The following CUBN variants were observed in gnomAD, a reference collection of about 807,000 sequenced individuals.
CUBN encodes 460 kDa receptor.
Under a neutral mutation model 405.3 loss-of-function variants are expected in CUBN, and 282 were observed. The ratio of observed to expected loss-of-function variants is 0.70; its 90% CI spans 0.63 to 0.77. The LOEUF is 0.77. Among genes scored for constraint, CUBN ranks in the 30% least tolerant of loss-of-function variants. The pLI, the probability that CUBN is intolerant of heterozygous loss-of-function variation, is 0.00. For synonymous variants in CUBN, 1,684 were observed against 1,617.0 expected, an observed-to-expected ratio of 1.04 and a Z score of -0.99; for missense variants, 4,514 against 4,475.2, an observed-to-expected ratio of 1.01 and a Z score of -0.25.
chr10:16,900,485 C>T lies in CUBN; in HGVS notation c.8410+140G>A, dbSNP rs1225966838. ...GCCAGGTATTGATATTGTGTTATCC[C>T]ACCAGGGTTGCTGCATGAGATGACA... is the stretch of plus-strand genomic sequence containing the variant. On this transcript the variant is annotated intron_variant, in intron 53 of 66. Transcript: ENST00000377833. The T allele has an allele frequency of 8.2e-6, 6 of 728,556 alleles. No individual in the cohort carries two copies. The East Asian group carries it at 1.3e-4, about 16-fold the overall frequency. The allele number at this position is 728,556 out of a possible 1,614,324, so 45.1% of individuals were successfully genotyped here. A position where few individuals can be genotyped will look rare whatever the true frequency, so the allele number is the denominator to read the frequency against.
chr10:17,050,715 A>C (rs1023074482), intron 22 of CUBN, among the ~76,000 whole-genome samples: 2 of 152,168 alleles, frequency 1.3e-5, no homozygotes, highest in Non-Finnish European at 2.9e-5. Context: ...CTAAAAGGCC[A>C]TATCTTACAA....
intron 28 of CUBN, among the ~76,000 whole-genome samples, chr10:17,000,668 TGCTTTCAG>T (rs1251794254): frequency 2.6e-5 from 4 of 152,252 alleles, no homozygotes; most frequent in African/African-American, 4.8e-5. Flanking sequence ...AAAAAATATT[TGCTTTCAG>T]GCACCATCGT....
chr10:17,129,631 T>C lies in CUBN; in HGVS notation c.122+13A>G, dbSNP rs746888758. Reference sequence around the variant, plus strand: ...CTAGTCCCTGAGCAGGAATGACCCATGTGTTTACTTACTGTTGGAGATTGA... The same window carrying C: ...CTAGTCCCTGAGCAGGAATGACCCACGTGTTTACTTACTGTTGGAGATTGA... On this transcript the variant is annotated intron_variant, in intron 1 of 66. Coordinates refer to ENST00000377833, the MANE Select transcript of CUBN (RefSeq NM_001081.4). The C allele has an allele frequency of 1.4e-5, 22 of 1,614,066 alleles. No homozygotes were observed. The highest frequency in any genetic ancestry group is 4.0e-5 in the African/African-American group (3 of 74,954).
chr10:17,075,153 G>C (rs1403534465), intron 17 of CUBN, among the ~76,000 whole-genome samples: 1 of 137,484 alleles, frequency 7.3e-6, no homozygotes, highest in Admixed American at 8.1e-5. Flanking sequence ...GCACGATCTC[G>C]GATCACTGCA....
rs1229103438 is a variant in CUBN, at chr10:17,110,916, C to G, written c.1015+3G>C. 1 of 1,614,212 alleles carries G rather than the reference C, an allele frequency of 6.2e-7. No individual in the cohort carries two copies. The highest frequency in any genetic ancestry group is 2.2e-5 in the East Asian group (1 of 44,886). ...GGAGGTTGACATTGAACCGAGGCAG[C>G]ACCTGGTGGACAGGCCTGGCAGTGG... On this transcript the variant is annotated splice_donor_region_variant and intron_variant, in intron 9 of 66. Transcript: ENST00000377833.
rs1236481372 is a variant in CUBN, at chr10:16,982,563, A to AC, written c.4615dup (p.Val1539GlyfsTer5). On this transcript the variant is annotated frameshift_variant, in exon 31 of 67. Transcript: ENST00000377833. LOFTEE classifies it high-confidence loss of function. The stretch of plus-strand genomic sequence containing the variant: ...ACGATGATTTCTGTCAACCCGAATG[A>AC]CCCAAGAACAGTCTGTGTTGCTCCT... The AC allele has an allele frequency of 2.5e-6, 4 of 1,613,818 alleles. No homozygotes were observed. The highest frequency in any genetic ancestry group is 1.3e-5 in the African/African-American group (1 of 75,028).
At chr10:16,836,598 C>T (rs1839176982) in intron 62 of CUBN, among the ~76,000 whole-genome samples, 1 of 152,240 alleles carries the variant, frequency 6.6e-6, no homozygotes, top group African/African-American at 2.4e-5. Context: ...GGCAAAGCTT[C>T]TGCTGAAACC....
intron 27 of CUBN, among the ~76,000 whole-genome samples, chr10:17,034,639 C>T (rs1398460560): frequency 1.3e-5 from 2 of 152,010 alleles, no homozygotes; most frequent in Non-Finnish European, 2.9e-5. Context: ...TAACAAGATC[C>T]CCAGATGATT....
At chr10:17,082,360 C>G (rs957438517) in intron 17 of CUBN, among the ~76,000 whole-genome samples, 4 of 152,164 alleles carry the variant, frequency 2.6e-5, no homozygotes, top group African/African-American at 9.6e-5. Flanking sequence ...TTCCACCATT[C>G]TGGTTTATGA....
intron 14 of CUBN, among the ~76,000 whole-genome samples, chr10:17,094,301 T>C (rs1245475819): frequency 6.6e-6 from 1 of 152,084 alleles, no homozygotes; most frequent in African/African-American, 2.4e-5. Flanking sequence ...ATGGTCAACC[T>C]AAAATTCTAT....
intron 31 of CUBN, among the ~76,000 whole-genome samples, chr10:16,981,400 C>A (rs1833268514): frequency 6.6e-6 from 1 of 151,398 alleles, no homozygotes; most frequent in South Asian, 2.1e-4. Flanking sequence ...TCAATTTGTT[C>A]GTGTGACCTG....
At chr10:16,899,284 T>G (rs1248695285) in intron 53 of CUBN, 101 bp from the exon 54 acceptor site, 1 of 893,800 alleles carries the variant, frequency 1.1e-6, no homozygotes, top group African/African-American at 1.6e-5. Flanking sequence ...GAGATTTCAA[T>G]TCATCATTTT....
chr10:16,977,070 G>A (rs1833121300), intron 31 of CUBN, among the ~76,000 whole-genome samples: 1 of 152,042 alleles, frequency 6.6e-6, no homozygotes, highest in Admixed American at 6.5e-5. Flanking sequence ...TGTTTCTATT[G>A]TCTCTTACTC....
intron 31 of CUBN, among the ~76,000 whole-genome samples, chr10:16,961,836 T>C (rs964667927): frequency 7.4e-5 from 11 of 149,640 alleles, no homozygotes; most frequent in Non-Finnish European, 1.0e-4. Context: ...CTCAGCCTCC[T>C]GAGTAGCTGG....
intron 59 of CUBN, among the ~76,000 whole-genome samples, chr10:16,861,427 G>A (rs1035762462): frequency 3.3e-5 from 5 of 151,940 alleles, no homozygotes; most frequent in Admixed American, 6.6e-5. Context: ...CCTCCCAAGC[G>A]CTGGGATTAC....
chr10:16,910,439 C>T (rs79408537), intron 48 of CUBN, among the ~76,000 whole-genome samples: 35 of 152,146 alleles, frequency 2.3e-4, no homozygotes, highest in Non-Finnish European at 3.4e-4. Context: ...GACATTAGAA[C>T]TAAAGACTCA....
intron 62 of CUBN, among the ~76,000 whole-genome samples, chr10:16,838,579 C>G (rs1258448651): frequency 6.6e-6 from 1 of 152,240 alleles, no homozygotes; most frequent in African/African-American, 2.4e-5. Context: ...TTGTGTCCAA[C>G]TGTCTCCTCA....
chr10:16,916,790 GCTTT>G (rs1213629846), intron 45 of CUBN, among the ~76,000 whole-genome samples: 1 of 150,734 alleles, frequency 6.6e-6, no homozygotes, highest in South Asian at 2.1e-4. Context: ...AGGCATATTT[GCTTT>G]CTTTTTTTCT....
intron 54 of CUBN, among the ~76,000 whole-genome samples, chr10:16,892,908 C>T (rs1332532030): frequency 9.9e-5 from 15 of 152,150 alleles, no homozygotes; most frequent in Admixed American, 9.8e-4. Context: ...AGTGCTTATA[C>T]TTTTCTGAAG....
Sources: allele counts gnomAD v4.1 joint callset (sites outside exome capture counted in the v4.1 genomes callset), GRCh38; gene constraint gnomAD v4.1.1; transcripts MANE v1.5; gene names NCBI Gene and HGNC (gene_info 2026-07-23, HGNC 2026-07-21).